The following CDH12 variants were observed in gnomAD, a reference collection of about 807,000 sequenced individuals.
CDH12 encodes the protein cadherin-12.
A neutral mutation model predicts 74.1 loss-of-function variants in CDH12; 41 were observed. That is an observed-to-expected ratio of 0.55 (90% CI 0.43 to 0.72). CDH12 has a LOEUF of 0.72. CDH12 is among the 30% of genes least tolerant of loss of function. The pLI, the probability that CDH12 is intolerant of heterozygous loss-of-function variation, is 0.00. For synonymous variants in CDH12, 399 were observed against 355.0 expected, an observed-to-expected ratio of 1.12 and a Z score of -1.39; for missense variants, 945 against 977.2, an observed-to-expected ratio of 0.97 and a Z score of 0.44.
chr5:21,764,391 A>G (rs1430524326), intron 12 of CDH12, among the ~76,000 whole-genome samples: 1 of 150,616 alleles, frequency 6.6e-6, no homozygotes, highest in Non-Finnish European at 1.5e-5. Context: ...ATAAATAAAT[A>G]CAAATTAAAA....
intron 13 of CDH12, among the ~76,000 whole-genome samples, chr5:21,758,197 T>C (rs2149867269): frequency 6.6e-6 from 1 of 152,270 alleles, no homozygotes; most frequent in Admixed American, 6.5e-5. Context: ...TATAAATATT[T>C]CCCCCTTTTT....
chr5:22,658,666 C>A (rs1490538876), intron 1 of CDH12, among the ~76,000 whole-genome samples: 1 of 151,816 alleles, frequency 6.6e-6, no homozygotes, highest in East Asian at 1.9e-4. Flanking sequence ...AAGAAGACAC[C>A]CTCCTACATA....
intron 6 of CDH12, among the ~76,000 whole-genome samples, chr5:21,876,169 C>T (rs1453624561): frequency 6.6e-6 from 1 of 152,174 alleles, no homozygotes; most frequent in Non-Finnish European, 1.5e-5. Context: ...GCTGGGATTA[C>T]AGGCTTGAGC....
At chr5:21,754,805 G>C (rs116133876) in intron 14 of CDH12, among the ~76,000 whole-genome samples, 1,899 of 152,226 alleles carry the variant, frequency 0.012, 40 homozygotes, top group African/African-American at 0.044. Context: ...AAGGAATGAG[G>C]CATAATAGAA....
chr5:22,546,667 A>G (rs1224115383), intron 1 of CDH12, among the ~76,000 whole-genome samples: 3 of 152,216 alleles, frequency 2.0e-5, no homozygotes, highest in African/African-American at 7.2e-5. Flanking sequence ...ATGTCAATTT[A>G]GTAGAGTATG....
At chr5:22,125,031 C>T (rs936480470) in intron 4 of CDH12, among the ~76,000 whole-genome samples, 6 of 152,122 alleles carry the variant, frequency 3.9e-5, no homozygotes, top group Non-Finnish European at 7.3e-5. Context: ...CCTGTCCTTG[C>T]TTCAAGGGGA....
At chr5:22,579,050 A>T (rs1190640698) in intron 1 of CDH12, among the ~76,000 whole-genome samples, 1 of 152,196 alleles carries the variant, frequency 6.6e-6, no homozygotes, top group Non-Finnish European at 1.5e-5. Context: ...CTTCTATCAC[A>T]TCTACAAACT....
rs559769307 is a variant in CDH12, at chr5:22,142,730, A to G, written c.-186-63868T>C. 1.6e-5 allele frequency: 5 copies of G among 310,506 alleles called. 1 individual carries two copies. The highest frequency in any genetic ancestry group is 1.3e-4 in the South Asian group (4 of 29,724). The allele number at this position is 310,506 out of a possible 1,614,324, so 19.2% of individuals were successfully genotyped here. The stretch of plus-strand genomic sequence containing the variant: ...AAAATGTGGGATTAAGAAGTGTTTA[A>G]TTAGTTCTTATCATTTTGGTTTACT... On this transcript the variant is annotated intron_variant, in intron 4 of 14. Transcript: ENST00000382254.
intron 1 of CDH12, among the ~76,000 whole-genome samples, chr5:22,725,969 A>T (rs1287746542): frequency 6.6e-6 from 1 of 151,740 alleles, no homozygotes; most frequent in Non-Finnish European, 1.5e-5. Context: ...TTTAGGGGAG[A>T]ATACAGAGTT....
intron 1 of CDH12, among the ~76,000 whole-genome samples, chr5:22,802,692 A>C (rs1036881798): frequency 6.6e-6 from 1 of 152,004 alleles, no homozygotes; most frequent in East Asian, 1.9e-4. Context: ...TCAGTTCTGG[A>C]TTAACTTTTT....
At chr5:22,625,061 C>CA (rs1375648941) in intron 1 of CDH12, among the ~76,000 whole-genome samples, 1 of 151,954 alleles carries the variant, frequency 6.6e-6, no homozygotes, top group African/African-American at 2.4e-5. Flanking sequence ...ATCACAATGA[C>CA]AAAAAACCAA....
chr5:21,758,611 C>T (rs1744536625), intron 13 of CDH12, among the ~76,000 whole-genome samples: 1 of 152,088 alleles, frequency 6.6e-6, no homozygotes, highest in Non-Finnish European at 1.5e-5. Context: ...CTAATAAAGT[C>T]AGAGATACTG....
chr5:21,916,510 ATT>A (rs113750015), intron 6 of CDH12, among the ~76,000 whole-genome samples: 1 of 19,376 alleles, frequency 5.2e-5, no homozygotes, highest in African/African-American at 6.4e-5. Flanking sequence ...CATTTTTTCC[ATT>A]TTTTTTTTTC....
intron 5 of CDH12, among the ~76,000 whole-genome samples, chr5:22,044,106 AC>A (rs1468333561): frequency 6.6e-6 from 1 of 152,212 alleles, no homozygotes; most frequent in African/African-American, 2.4e-5. Flanking sequence ...ACATGGAACC[AC>A]AAAAAATTCT....
chr5:21,930,061 CAGTT>C (rs547682518), intron 6 of CDH12, among the ~76,000 whole-genome samples: 50 of 152,230 alleles, frequency 3.3e-4, no homozygotes, highest in African/African-American at 6.5e-4. Context: ...TTTGCTTTAC[CAGTT>C]AGTTAGTAAC....
At chr5:21,993,904 G>T (rs1308544107) in intron 5 of CDH12, among the ~76,000 whole-genome samples, 3 of 152,092 alleles carry the variant, frequency 2.0e-5, no homozygotes, top group Admixed American at 1.3e-4. Context: ...CATTTAAAAA[G>T]AAATCATGCC....
At chr5:22,696,133 C>A (rs1742343797) in intron 1 of CDH12, among the ~76,000 whole-genome samples, 1 of 152,024 alleles carries the variant, frequency 6.6e-6, no homozygotes, top group African/African-American at 2.4e-5. Flanking sequence ...CTTTGGGAGG[C>A]TGAGGCAGGC....
At chr5:22,539,339 G>A (rs1170363128) in intron 1 of CDH12, among the ~76,000 whole-genome samples, 1 of 152,152 alleles carries the variant, frequency 6.6e-6, no homozygotes, top group African/African-American at 2.4e-5. Flanking sequence ...TAAGTCCAGA[G>A]GTAATGTCTG....
intron 6 of CDH12, among the ~76,000 whole-genome samples, chr5:21,930,195 G>T (rs1182633407): frequency 6.6e-6 from 1 of 152,144 alleles, no homozygotes; most frequent in African/African-American, 2.4e-5. Context: ...TAGTGCTTAT[G>T]TTTGGAGCAA....
Sources: allele counts gnomAD v4.1 joint callset (sites outside exome capture counted in the v4.1 genomes callset), GRCh38; gene constraint gnomAD v4.1.1; transcripts MANE v1.5; gene names NCBI Gene and HGNC (gene_info 2026-07-23, HGNC 2026-07-21).